The following PKHD1L1 variants were observed in gnomAD, a reference collection of about 807,000 sequenced individuals.
The protein encoded by PKHD1L1 is fibrocystin-L.
In PKHD1L1, 434 loss-of-function variants were observed where a neutral mutation model predicts 462.9. The observed-to-expected ratio is 0.94, with a 90% CI of 0.87 to 1.02. The LOEUF is 1.02. PKHD1L1 is among the 50% of genes least tolerant of loss of function. The probability of loss-of-function intolerance (pLI) is 0.00; values close to 1 mark genes in which losing one functional copy is unlikely to be tolerated. For synonymous variants in PKHD1L1, 1,781 were observed against 1,750.0 expected (o/e 1.02, Z -0.44); for missense variants, 5,202 against 5,096.1 (o/e 1.02, Z -0.63).
intron 38 of PKHD1L1, among the ~76,000 whole-genome samples, chr8:109,447,089 G>A (rs1242847830): frequency 3.9e-5 from 6 of 152,036 alleles, no homozygotes; most frequent in Non-Finnish European, 7.4e-5. Flanking sequence ...CAGGCATGGC[G>A]GCATGCACCT....
At chr8:109,461,665 G>A in intron 47 of PKHD1L1, 107 bp from the exon 48 acceptor site, 3 of 1,193,006 alleles carry the variant, frequency 2.5e-6, no homozygotes, top group Middle Eastern at 2.1e-4. Context: ...TCTAGGATGA[G>A]GTTGAGATCA....
At chr8:109,449,683 T>C (rs529543812) in intron 40 of PKHD1L1, among the ~76,000 whole-genome samples, 196 bp downstream of exon 40, 20 of 152,334 alleles carry the variant, frequency 1.3e-4, no homozygotes, top group Non-Finnish European at 2.8e-4. Context: ...CAGATGGAAT[T>C]GTTTATAATA....
chr8:109,488,784 G>A (rs765146341), intron 59 of PKHD1L1, among the ~76,000 whole-genome samples: 7 of 151,916 alleles, frequency 4.6e-5, no homozygotes, highest in African/African-American at 1.2e-4. Flanking sequence ...TGGTAATGAC[G>A]AACATGACAC....
chr8:109,394,948 A>G lies in PKHD1L1; in HGVS notation c.811+463A>G, dbSNP rs115312195. Among the ~76,000 whole-genome samples, 688 of 152,348 alleles carry G rather than the reference A, an allele frequency of 4.5e-3. 6 individuals carry two copies. Among genetic ancestry groups the G allele is most frequent in the African/African-American group, 0.015 (638 of 41,582 alleles). ...CCTTAAACGTGCTGAGAACACTCAC[A>G]TTGGCCTACAATTTGGCTAAATCAT... On this transcript the variant is annotated intron_variant, in intron 10 of 77. Coordinates refer to ENST00000378402, the MANE Select transcript of PKHD1L1 (RefSeq NM_177531.6).
intron 77 of PKHD1L1, among the ~76,000 whole-genome samples, chr8:109,529,755 G>T (rs905678033): frequency 1.3e-5 from 2 of 151,822 alleles, no homozygotes; most frequent in Non-Finnish European, 2.9e-5. Flanking sequence ...TTAAAATGCT[G>T]GGTTCTTTAA....
At chr8:109,406,029 T>G (rs932049122) in intron 16 of PKHD1L1, among the ~76,000 whole-genome samples, 16 of 152,204 alleles carry the variant, frequency 1.1e-4, no homozygotes, top group Admixed American at 6.6e-5. Context: ...CTACTACTGT[T>G]AATTGTTTTA....
intron 12 of PKHD1L1, among the ~76,000 whole-genome samples, chr8:109,399,816 A>G (rs909192207): frequency 1.3e-5 from 2 of 152,176 alleles, no homozygotes; most frequent in African/African-American, 4.8e-5. Context: ...TAATCCCTAT[A>G]GCACCCATGC....
intron 49 of PKHD1L1, among the ~76,000 whole-genome samples, chr8:109,465,845 T>C (rs151183947): frequency 6.4e-4 from 97 of 152,334 alleles, no homozygotes; most frequent in African/African-American, 2.3e-3. Context: ...TAAATTTTTT[T>C]AGCATTTCAA....
chr8:109,439,262 G>A (rs1443742354), intron 32 of PKHD1L1, among the ~76,000 whole-genome samples, 170 bp downstream of exon 32: 3 of 152,038 alleles, frequency 2.0e-5, no homozygotes, highest in Admixed American at 6.6e-5. Flanking sequence ...GCAATATGAC[G>A]CATAGTTTTG....
chr8:109,372,889 C>T (rs955056063), intron 2 of PKHD1L1, among the ~76,000 whole-genome samples: 1 of 152,146 alleles, frequency 6.6e-6, no homozygotes, highest in East Asian at 1.9e-4. Context: ...TTTTGATGTG[C>T]TGCTGGATTT....
rs758834242 is a variant in PKHD1L1, at chr8:109,382,460, TA to T, written c.309-2del. On this transcript the variant is annotated splice_acceptor_variant, in intron 3 of 77. Coordinates refer to ENST00000378402, the MANE Select transcript of PKHD1L1 (RefSeq NM_177531.6). LOFTEE classifies it high-confidence loss of function. ...TCTCATATATTCTTCATTTTCTTTATAGAGCAATGCCGGAAGATTCCTACAC... is the reference window on the plus strand; with the variant it reads ...TCTCATATATTCTTCATTTTCTTTATGAGCAATGCCGGAAGATTCCTACAC... 7 of 1,600,658 alleles carry T rather than the reference TA, an allele frequency of 4.4e-6. No homozygotes were observed. In the Admixed American group the frequency reaches 1.2e-4, roughly 28 times the overall value.
Position 109,443,227 on chromosome 8 carries a change from C to G in PKHD1L1, c.4564+111C>G, listed in dbSNP as rs1297867218. Reference sequence around the variant, plus strand: ...TCTAACTGTGCTTCTATCTTACTAGCCACGTGACCTTGAATAGGTTTGGGC... The same window carrying G: ...TCTAACTGTGCTTCTATCTTACTAGGCACGTGACCTTGAATAGGTTTGGGC... On this transcript the variant is annotated intron_variant, in intron 36 of 77. Transcript: ENST00000378402. 6.0e-6 allele frequency: 6 copies of G among 1,000,572 alleles called. No homozygotes were observed. The African/African-American group carries it at 9.6e-5, about 16-fold the overall frequency. The allele number at this position is 1,000,572 out of a possible 1,614,324, so 62.0% of individuals were successfully genotyped here.
intron 70 of PKHD1L1, among the ~76,000 whole-genome samples, chr8:109,510,434 G>T (rs1298875312): frequency 1.3e-5 from 2 of 152,242 alleles, no homozygotes; most frequent in Non-Finnish European, 2.9e-5. Flanking sequence ...ATGTGGCCTA[G>T]GCTTGAATAT....
intron 15 of PKHD1L1, 52 bp downstream of exon 15, chr8:109,404,765 A>G: frequency 6.8e-7 from 1 of 1,479,510 alleles, no homozygotes; most frequent in Non-Finnish European, 9.0e-7. Flanking sequence ...CGAAGGCAGG[A>G]TCTCAATTTG....
intron 12 of PKHD1L1, 139 bp from the exon 13 acceptor site, chr8:109,399,937 A>C (rs1424314932): frequency 1.2e-6 from 1 of 843,300 alleles, no homozygotes; most frequent in Admixed American, 3.0e-5. Flanking sequence ...GTGTAGGGGA[A>C]TGTGTAATTG....
chr8:109,398,337 C>A, intron 11 of PKHD1L1, 122 bp from the exon 12 acceptor site: 2 of 636,410 alleles, frequency 3.1e-6, no homozygotes, highest in Non-Finnish European at 5.8e-6. Flanking sequence ...AAATAAAGAG[C>A]CCTAATTTTG....
At chr8:109,515,379 G>C (rs1212278975) in intron 72 of PKHD1L1, 74 bp downstream of exon 72, 1 of 1,191,058 alleles carries the variant, frequency 8.4e-7, no homozygotes, top group South Asian at 2.3e-5. Flanking sequence ...CTGATTATTA[G>C]TATTTTTAAT....
At chr8:109,431,842 G>A (rs937607556) in intron 27 of PKHD1L1, among the ~76,000 whole-genome samples, 2 of 151,970 alleles carry the variant, frequency 1.3e-5, no homozygotes, top group African/African-American at 4.8e-5. Flanking sequence ...ATACCCAGAC[G>A]TGCTATTACT....
In PKHD1L1 at chr8:109,443,087, T is replaced by G. The variant is rs776783878; in HGVS notation, c.4535T>G (p.Val1512Gly). The change falls in exon 36 of 78, where the codon GTG becomes GGG. Residue 1512 changes from valine to glycine, a missense_variant. By Grantham distance (109) the Val-to-Gly change is moderately radical. Transcript: ENST00000378402. ...ETRHIPLHLF[V>G]GRSEATYAYG... Reference sequence around the variant, plus strand: ...AGACACATTCCCTTGCACCTGTTTGTGGGTCGCTCTGAAGCCACATATGCT... The same window carrying G: ...AGACACATTCCCTTGCACCTGTTTGGGGGTCGCTCTGAAGCCACATATGCT... The G allele has an allele frequency of 1.2e-4, 198 of 1,613,600 alleles. No individual in the cohort carries two copies. Among genetic ancestry groups the G allele is most frequent in the Non-Finnish European group, 1.6e-4 (184 of 1,179,626 alleles).
Sources: gnomAD v4.1 joint callset for allele counts (sites outside exome capture counted in the v4.1 genomes callset) on GRCh38, gnomAD v4.1.1 for gene constraint, MANE v1.5 for transcripts, NCBI Gene and HGNC (gene_info 2026-07-23, HGNC 2026-07-21) for gene names.